The following SLC26A7 variants were observed in gnomAD, a reference collection of about 807,000 sequenced individuals.
SLC26A7 encodes anion exchange transporter.
Under a neutral mutation model 82.5 loss-of-function variants are expected in SLC26A7, and 59 were observed. That is an observed-to-expected ratio of 0.72 (90% CI 0.58 to 0.89). The LOEUF (loss-of-function observed/expected upper bound fraction) is 0.89. Ranked by LOEUF, SLC26A7 falls within the 40% of genes least tolerant of loss-of-function variation. The pLI is 0.00. For missense variants in SLC26A7, 820 were observed against 793.0 expected (o/e 1.03, Z -0.41); for synonymous variants, 271 against 274.3 (o/e 0.99, Z 0.12).
chr8:91,213,144 CA>C (rs555181389), intron 1 of SLC26A7, among the ~76,000 whole-genome samples: 48 of 152,128 alleles, frequency 3.2e-4, no homozygotes, highest in Admixed American at 1.6e-3. Flanking sequence ...ATTGATTATG[CA>C]GGGGGTGCTG....
chr8:91,337,313 T>A (rs188681745), intron 6 of SLC26A7, among the ~76,000 whole-genome samples: 124 of 152,342 alleles, frequency 8.1e-4, no homozygotes, highest in African/African-American at 2.9e-3. Context: ...TCTGGCCATG[T>A]ATATTGTAAA....
At chr8:91,326,314 A>G (rs1475404968) in intron 5 of SLC26A7, among the ~76,000 whole-genome samples, 2 of 152,216 alleles carry the variant, frequency 1.3e-5, no homozygotes, top group African/African-American at 4.8e-5. Flanking sequence ...AACAACATAA[A>G]TTTAATTTCT....
In SLC26A7 at chr8:91,396,733, G is replaced by A. The variant is rs1808583212; in HGVS notation, c.*1636G>A. ...ACATTCCCATCAAACACTCTTCCAA[G>A]GAAAAGCAGAAGTAATAATTGGAGG... On this transcript the variant is annotated 3_prime_UTR_variant, in exon 19 of 19. Coordinates refer to ENST00000276609, the MANE Select transcript of SLC26A7 (RefSeq NM_052832.4). 6.6e-6 allele frequency: 1 copy of A among 151,864 alleles called. No individual in the cohort carries two copies. Among genetic ancestry groups the A allele is most frequent in the African/African-American group, 2.4e-5 (1 of 41,390 alleles). The allele number at this position is 151,864 out of a possible 1,614,324, so 9.4% of individuals were successfully genotyped here.
At chr8:91,380,191 G>A (rs919237133) in intron 15 of SLC26A7, among the ~76,000 whole-genome samples, 2 of 151,966 alleles carry the variant, frequency 1.3e-5, no homozygotes, top group African/African-American at 2.4e-5. Flanking sequence ...CTACAAAGTC[G>A]GTGGTAGTAT....
intron 3 of SLC26A7, among the ~76,000 whole-genome samples, chr8:91,293,002 A>G (rs535117934): frequency 6.6e-6 from 1 of 152,366 alleles, no homozygotes; most frequent in Non-Finnish European, 1.5e-5. Context: ...ACAATTATTT[A>G]CTGATGGATT....
At chr8:91,343,496 A>G (rs745511510) in intron 9 of SLC26A7, 30 bp downstream of exon 9, 27 of 1,517,572 alleles carry the variant, frequency 1.8e-5, no homozygotes, top group Non-Finnish European at 2.5e-5. Flanking sequence ...GGGACAAAGC[A>G]CTGCTGGGCC....
chr8:91,352,058 G>A (rs922943109), intron 10 of SLC26A7, among the ~76,000 whole-genome samples, 171 bp downstream of exon 10: 7 of 151,978 alleles, frequency 4.6e-5, no homozygotes, highest in Non-Finnish European at 7.4e-5. Context: ...TGAGGCAGGC[G>A]TGGGAGGGGG....
chr8:91,381,021 A>G (rs1814657325), intron 15 of SLC26A7, among the ~76,000 whole-genome samples: 1 of 150,236 alleles, frequency 6.7e-6, no homozygotes, highest in African/African-American at 2.5e-5. Context: ...AATGTTGGGG[A>G]AAAAAGCAAG....
intron 2 of SLC26A7, among the ~76,000 whole-genome samples, chr8:91,264,418 A>G (rs1297898676): frequency 2.0e-5 from 3 of 152,072 alleles, no homozygotes. Context: ...CCAGCCTGAC[A>G]CTTCAAAACA....
intron 3 of SLC26A7, 137 bp downstream of exon 3, chr8:91,289,383 C>T (rs899095227): frequency 1.5e-6 from 1 of 679,488 alleles, no homozygotes; most frequent in African/African-American, 1.8e-5. Context: ...ATTTACTCTC[C>T]ATGCATCAGA....
At chr8:91,291,572 A>G (rs1323498631) in intron 3 of SLC26A7, among the ~76,000 whole-genome samples, 3 of 152,220 alleles carry the variant, frequency 2.0e-5, no homozygotes, top group African/African-American at 7.2e-5. Context: ...AGGCAAAACA[A>G]GTTTGTCCAA....
intron 5 of SLC26A7, among the ~76,000 whole-genome samples, chr8:91,329,018 TC>T (rs1189714446): frequency 1.3e-5 from 2 of 152,154 alleles, no homozygotes; most frequent in African/African-American, 4.8e-5. Context: ...ACTAGGCAGT[TC>T]TGGTTAGATA....
chr8:91,287,815 T>C (rs1488057149), intron 2 of SLC26A7, among the ~76,000 whole-genome samples: 1 of 152,210 alleles, frequency 6.6e-6, no homozygotes. Flanking sequence ...GGGAAATATT[T>C]AGCCTGCCAA....
intron 2 of SLC26A7, among the ~76,000 whole-genome samples, chr8:91,278,864 G>T (rs906549373): frequency 6.6e-6 from 1 of 151,498 alleles, no homozygotes; most frequent in Non-Finnish European, 1.5e-5. Context: ...CTCCTAACTG[G>T]AATTTTTTGC....
At chr8:91,342,381 G>A (rs1393815512) in intron 8 of SLC26A7, among the ~76,000 whole-genome samples, 1 of 152,110 alleles carries the variant, frequency 6.6e-6, no homozygotes, top group Non-Finnish European at 1.5e-5. Context: ...CAGCTCTATG[G>A]GGCAGGGATA....
rs971600071 is a variant in SLC26A7 at position 91,328,821 on chromosome 8, A to G, written c.643-5474A>G. ...AGAAAAAAGCCTCACATCTAAAGAA[A>G]ATAATGAGAAGCAGTACATGTGCTG... On this transcript the variant is annotated intron_variant, in intron 5 of 18. Transcript: ENST00000276609. Among the ~76,000 whole-genome samples the G allele has an allele frequency of 2.0e-5, 3 of 152,106 alleles. No individual in the cohort carries two copies. In the East Asian group the frequency reaches 5.8e-4, roughly 29 times the overall value.
chr8:91,244,192 G>A (rs1332352225), intron 2 of SLC26A7, among the ~76,000 whole-genome samples: 1 of 151,998 alleles, frequency 6.6e-6, no homozygotes. Flanking sequence ...GCCATGATAC[G>A]GCCATAGTTT....
At chr8:91,272,290 C>T (rs1257491302) in intron 2 of SLC26A7, among the ~76,000 whole-genome samples, 3 of 152,100 alleles carry the variant, frequency 2.0e-5, no homozygotes, top group Non-Finnish European at 4.4e-5. Flanking sequence ...GGAAGAGACC[C>T]TGGTACTTTG....
At chr8:91,394,792 G>C (rs1466579690) in intron 18 of SLC26A7, 1 of 945,092 alleles carries the variant, frequency 1.1e-6, no homozygotes. Context: ...ATGACCTTAT[G>C]AGGTAGATAT....
Sources: gnomAD v4.1 joint callset for allele counts (sites outside exome capture counted in the v4.1 genomes callset) on GRCh38, gnomAD v4.1.1 for gene constraint, MANE v1.5 for transcripts, NCBI Gene and HGNC (gene_info 2026-07-23, HGNC 2026-07-21) for gene names.